CASP6: variants seen among roughly 807,000 people sequenced by gnomAD.
CASP6 encodes the protein caspase-6.
Under a neutral mutation model 31.8 loss-of-function variants are expected in CASP6, and 20 were observed. That is an observed-to-expected ratio of 0.63 (90% confidence interval 0.44 to 0.91). CASP6 has a LOEUF of 0.91. Among genes scored for constraint, CASP6 ranks in the 40% least tolerant of loss-of-function variants. CASP6 has a pLI of 0.00. For missense variants in CASP6, 328 were observed against 361.1 expected, an observed-to-expected ratio of 0.91 and a Z score of 0.74; for synonymous variants, 130 against 127.8, an observed-to-expected ratio of 1.02 and a Z score of -0.12.
At chr4:109,687,550 CTGTT>C, downstream of CASP6, 1 of 1,612,902 alleles carries the variant, frequency 6.2e-7, no homozygotes, top group African/African-American at 1.3e-5. Context: ...GTCATTCTCT[CTGTT>C]TGCAAATGCA....
upstream of CASP6, chr4:109,703,611 G>A: frequency 1.7e-6 from 1 of 593,726 alleles, no homozygotes; most frequent in Non-Finnish European, 2.9e-6. Flanking sequence ...AGCCCGCGGG[G>A]ACCAAGAGCG....
rs185849763 is a variant in CASP6, at chr4:109,694,712, C to A, written c.308-12G>T. 5 of 1,525,954 alleles carry A rather than the reference C, an allele frequency of 3.3e-6. No individual in the cohort carries two copies. The East Asian group carries it at 9.6e-5, about 29-fold the overall frequency. The allele number at this position is 1,525,954 out of a possible 1,614,324, so 94.5% of individuals were successfully genotyped here. On this transcript the variant is annotated splice_polypyrimidine_tract_variant and intron_variant, in intron 4 of 6. Transcript: ENST00000265164. ...GCTAACAGTTGACACTATAAAGGAC[C>A]CAAAAGAGAATATAGAAATGAAAAT...
chr4:109,682,193 G>A, the CASP6 span, among the ~76,000 whole-genome samples: 2 of 152,320 alleles, frequency 1.3e-5, no homozygotes, highest in African/African-American at 4.8e-5. Context: ...TGTCTCTCAC[G>A]AGGTCTTTGT....
downstream of CASP6, among the ~76,000 whole-genome samples, chr4:109,686,454 ATG>A (rs1351712824): frequency 2.0e-5 from 3 of 152,208 alleles, no homozygotes; most frequent in African/African-American, 7.2e-5. Flanking sequence ...TTTTTAAAAA[ATG>A]TATTTTATTT....
chr4:109,699,276 T>G (rs369912773), intron 1 of CASP6, among the ~76,000 whole-genome samples: 1 of 152,174 alleles, frequency 6.6e-6, no homozygotes, highest in East Asian at 1.9e-4. Context: ...CACCCTTCAG[T>G]TGAGGAAGAA....
At chr4:109,687,508 A>G (rs1372183676), downstream of CASP6, 1 of 1,601,640 alleles carries the variant, frequency 6.2e-7, no homozygotes, top group African/African-American at 1.3e-5. Context: ...TCTTTTTCCC[A>G]TGACAGGCTA....
At chr4:109,684,402 G>C (rs769823846), downstream of CASP6, 1 of 1,495,154 alleles carries the variant, frequency 6.7e-7, no homozygotes, top group Non-Finnish European at 9.1e-7. Flanking sequence ...TTTAGTTGGT[G>C]TATTTGTAAA....
chr4:109,703,028 G>A (rs1164252219), intron 1 of CASP6, among the ~76,000 whole-genome samples: 1 of 152,184 alleles, frequency 6.6e-6, no homozygotes, highest in Non-Finnish European at 1.5e-5. Flanking sequence ...AGCCTTTTAA[G>A]GTTTAAACAG....
chr4:109,672,081 T>G, the CASP6 span, among the ~76,000 whole-genome samples: 1 of 151,824 alleles, frequency 6.6e-6, no homozygotes, highest in Non-Finnish European at 1.5e-5. Flanking sequence ...TTATTAAATA[T>G]ATATATATTT....
At chr4:109,706,038 TATAA>T (rs1730602690), upstream of CASP6, among the ~76,000 whole-genome samples, 1 of 102,334 alleles carries the variant, frequency 9.8e-6, no homozygotes, top group Non-Finnish European at 1.9e-5. Flanking sequence ...ATATAATATA[TATAA>T]AATACATATA....
At chr4:109,691,068 A>G in intron 5 of CASP6, 59 bp from the exon 6 acceptor site, 1 of 1,541,126 alleles carries the variant, frequency 6.5e-7, no homozygotes, top group Non-Finnish European at 8.8e-7. Context: ...CCAGTGCTTA[A>G]TGTGTGCAGT....
the CASP6 span, among the ~76,000 whole-genome samples, chr4:109,678,102 C>T: frequency 1.3e-5 from 2 of 151,950 alleles, no homozygotes; most frequent in Non-Finnish European, 2.9e-5. Flanking sequence ...TGAGTTGACA[C>T]AGCACATGTT....
chr4:109,674,266 C>G, the CASP6 span: 2 of 651,372 alleles, frequency 3.1e-6, no homozygotes, highest in African/African-American at 1.8e-5. Flanking sequence ...TCCTTTCTTG[C>G]AGGCTTGATT....
chr4:109,666,440 C>T, the CASP6 span, among the ~76,000 whole-genome samples: 1 of 152,122 alleles, frequency 6.6e-6, no homozygotes, highest in African/African-American at 2.4e-5. Context: ...TTCCTGTTGC[C>T]CCATATCCTT....
the CASP6 span, among the ~76,000 whole-genome samples, chr4:109,669,156 A>G: frequency 2.6e-5 from 4 of 152,068 alleles, no homozygotes; most frequent in African/African-American, 4.8e-5. Context: ...TTTCCAACCT[A>G]TATCATCTTG....
downstream of CASP6, chr4:109,687,732 C>T (rs5030607): frequency 1.8e-3 from 1,135 of 618,360 alleles, 5 homozygotes; most frequent in African/African-American, 0.018. Flanking sequence ...GTTTGAAGTT[C>T]TCAACTGAGA....
At chr4:109,683,310 T>C in the CASP6 span, 5 of 152,254 alleles carry the variant, frequency 3.3e-5, no homozygotes, top group Admixed American at 3.3e-4. Context: ...TGGGAAGGTA[T>C]ATGTGTATCT....
chr4:109,679,451 G>A, the CASP6 span, among the ~76,000 whole-genome samples: 2 of 152,194 alleles, frequency 1.3e-5, no homozygotes, highest in African/African-American at 4.8e-5. Flanking sequence ...CTGGAGACCA[G>A]CCCGGTCAAC....
In CASP6 at chr4:109,697,711, A is replaced by G; in HGVS notation, c.141T>C (p.Ala47=). Residue 47 remains alanine (A), a synonymous_variant, in exon 3 of 7, where the codon GCT becomes GCC. Transcript: ENST00000265164. ...YKMDHRRRGI[A]LIFNHERFFW... ...AGAACCTCTCATGATTGAAGATTAA[A>G]GCAATTCCTCTCCTCCTGTGGTCCA... The G allele has an allele frequency of 1.9e-6, 3 of 1,614,104 alleles. No individual in the cohort carries two copies. Among genetic ancestry groups the G allele is most frequent in the Non-Finnish European group, 2.5e-6 (3 of 1,179,980 alleles).
Sources: gnomAD v4.1 joint callset for allele counts (sites outside exome capture counted in the v4.1 genomes callset) on GRCh38, gnomAD v4.1.1 for gene constraint, MANE v1.5 for transcripts, NCBI Gene and HGNC (gene_info 2026-07-23, HGNC 2026-07-21) for gene names.